The following AGL variants were observed in gnomAD, a reference collection of about 807,000 sequenced individuals.
The protein encoded by AGL is amylo-alpha-1,6-glucosidase and 4-alpha-glucanotransferase, also known as glycogen debranching enzyme.
AGL carries 128 observed loss-of-function variants against 199.3 expected under a neutral mutation model. That is an observed-to-expected ratio of 0.64 (90% CI 0.56 to 0.74). The LOEUF (loss-of-function observed/expected upper bound fraction) is 0.74, where lower values mean the gene tolerates loss of function less well. Among genes scored for constraint, AGL ranks in the 30% least tolerant of loss-of-function variants. The probability of loss-of-function intolerance (pLI) is 0.00; values close to 1 mark genes in which losing one functional copy is unlikely to be tolerated. For synonymous variants in AGL, 584 were observed against 594.7 expected, an observed-to-expected ratio of 0.98 and a Z score of 0.26; for missense variants, 1,809 against 1,820.8, an observed-to-expected ratio of 0.99 and a Z score of 0.12.
chr1:99,880,045 A>C lies in AGL; in HGVS notation c.1734A>C (p.Arg578Ser). The C allele has an allele frequency of 6.2e-7, 1 of 1,613,358 alleles. No individual in the cohort carries two copies. Among genetic ancestry groups the C allele is most frequent in the Non-Finnish European group, 8.5e-7 (1 of 1,179,502 alleles). The change falls in exon 13 of 34, where the codon AGA becomes AGC. Residue 578 changes from arginine (R) to serine (S), a missense_variant and splice_region_variant. Physicochemically the swap from Arg to Ser is moderately radical, Grantham distance 110. Transcript: ENST00000361915. ...VTRLGISSLI[R>S]EAMSAYNSHE... ...GACTGGGCATTAGTTCCTTAATAAG[A>C]GGTAGGCTTGTTGGAGTGTATTTCC...
At chr1:99,859,081 A>T (rs1240231371) in intron 2 of AGL, among the ~76,000 whole-genome samples, 3 of 151,930 alleles carry the variant, frequency 2.0e-5, no homozygotes, top group Non-Finnish European at 4.4e-5. Flanking sequence ...ATTTGTATAA[A>T]CTTAACAGGG....
At chr1:99,877,948 G>A in intron 12 of AGL, 120 bp downstream of exon 12, 2 of 967,390 alleles carry the variant, frequency 2.1e-6, no homozygotes, top group Admixed American at 3.8e-5. Context: ...GCATTGATTT[G>A]GTGGTAGTAT....
rs750616094 is a variant in AGL, at chr1:99,864,363, TCTTTC to T, written c.461-18_461-14del. 2 of 1,590,398 alleles carry T rather than the reference TCTTTC, an allele frequency of 1.3e-6. No homozygotes were observed. The highest frequency in any genetic ancestry group is 1.1e-5 in the South Asian group (1 of 90,582). ...TTTTGTTTGTTTGTTTTTACAGTGG[TCTTTC>T]CTTTATTTGCTTTGCAGGCTACAAC... On this transcript the variant is annotated intron_variant, in intron 4 of 33. Coordinates refer to ENST00000361915, the MANE Select transcript of AGL (RefSeq NM_000642.3).
intron 5 of AGL, among the ~76,000 whole-genome samples, chr1:99,865,895 T>G (rs918406911): frequency 2.6e-5 from 4 of 152,240 alleles, no homozygotes; most frequent in African/African-American, 9.6e-5. Flanking sequence ...TGTTTCTGCA[T>G]GTACCTAGAA....
At chr1:99,909,293 C>T (rs925208018) in intron 27 of AGL, among the ~76,000 whole-genome samples, 2 of 152,154 alleles carry the variant, frequency 1.3e-5, no homozygotes, top group Non-Finnish European at 2.9e-5. Flanking sequence ...CCACCTACTA[C>T]TGCCAGGTTG....
chr1:99,849,299 A>G (rs777215461), upstream of AGL, among the ~76,000 whole-genome samples: 1 of 152,068 alleles, frequency 6.6e-6, no homozygotes, highest in African/African-American at 2.4e-5. Flanking sequence ...TCATTCCACA[A>G]TAAAGAATGC....
At chr1:99,875,112 A>T in intron 8 of AGL, 42 bp from the exon 9 acceptor site, 1 of 1,532,876 alleles carries the variant, frequency 6.5e-7, no homozygotes, top group Non-Finnish European at 9.0e-7. Flanking sequence ...AGAATCTGTA[A>T]AGCCATTAAA....
intron 25 of AGL, among the ~76,000 whole-genome samples, chr1:99,898,892 G>A (rs1366150506): frequency 2.0e-5 from 3 of 152,126 alleles, no homozygotes; most frequent in African/African-American, 7.2e-5. Flanking sequence ...CTCTATAGAG[G>A]TAATCATGAA....
intron 5 of AGL, among the ~76,000 whole-genome samples, chr1:99,867,826 G>T (rs1650653913): frequency 6.6e-6 from 1 of 152,088 alleles, no homozygotes; most frequent in Non-Finnish European, 1.5e-5. Flanking sequence ...ACCCGGCCGT[G>T]TTGCAGAAGT....
At position 99,892,514 on chromosome 1, in the gene AGL, C is replaced by G. The variant is rs774124715; in HGVS notation, c.3166C>G (p.Leu1056Val). The G allele has an allele frequency of 6.2e-6, 10 of 1,613,568 alleles. No individual in the cohort carries two copies. The East Asian group carries it at 1.6e-4, about 25-fold the overall frequency. ...GTGTGGAGTAGGAAAATTCCCTTCC[C>G]TGCCAATTCTTTCACCTGCCCTAAT... Reference protein sequence around the residue: ...QLCGVGKFPSLPILSPALMDV... With the variant: ...QLCGVGKFPSVPILSPALMDV... The change falls in exon 24 of 34, where the codon CTG becomes GTG. Residue 1056 changes from leucine to valine, a missense_variant. Coordinates refer to ENST00000361915, the MANE Select transcript of AGL (RefSeq NM_000642.3).
At chr1:99,918,988 G>T (rs12045983) in intron 33 of AGL, among the ~76,000 whole-genome samples, 21,515 of 152,016 alleles carry the variant, frequency 0.14, 1,589 homozygotes, top group Middle Eastern at 0.17. Flanking sequence ...TTGTTCTTTG[G>T]TAGTTTCCTC....
In AGL at chr1:99,921,696, C is replaced by T; in HGVS notation, c.*45C>T. ...ATGCAATTACTTGTATTATAGGATG[C>T]AAGGTCATCATATGTAAATGCCTTA... On this transcript the variant is annotated 3_prime_UTR_variant, in exon 34 of 34. Coordinates refer to ENST00000361915, the MANE Select transcript of AGL (RefSeq NM_000642.3). 4 of 1,356,802 alleles carry T rather than the reference C, an allele frequency of 2.9e-6. No individual in the cohort carries two copies. The highest frequency in any genetic ancestry group is 4.2e-6 in the Non-Finnish European group (4 of 950,254). 84.0% of individuals were successfully genotyped at this position (1,356,802 alleles called of 1,614,324 possible).
Position 99,881,153 on chromosome 1 carries a change from C to T in AGL, c.1977C>T (p.Gly659=). ...GTTGTGCTAGTGGAAGTACAAGAGG[C>T]TATGATGAATTAGTGCCTCATCAGG... The part of the protein sequence containing the change: ...MACCASGSTR[G]YDELVPHQIS... The change falls in exon 15 of 34, where the codon GGC becomes GGT. Residue 659 remains glycine, a synonymous_variant. Transcript: ENST00000361915. The T allele has an allele frequency of 6.2e-7, 1 of 1,613,790 alleles. No homozygotes were observed. The highest frequency in any genetic ancestry group is 8.5e-7 in the Non-Finnish European group (1 of 1,179,842).
At chr1:99,868,973 T>A (rs1244535391) in intron 5 of AGL, among the ~76,000 whole-genome samples, 4 of 151,996 alleles carry the variant, frequency 2.6e-5, no homozygotes, top group Non-Finnish European at 5.9e-5. Flanking sequence ...TTTAGGCACA[T>A]GCCACCATGC....
chr1:99,913,500 A>T (rs1318854133), intron 29 of AGL, 27 bp from the exon 30 acceptor site: 1 of 1,554,516 alleles, frequency 6.4e-7, no homozygotes, highest in Non-Finnish European at 8.9e-7. Flanking sequence ...AATGATTAAA[A>T]CTACCATGTC....
chr1:99,850,990 C>A lies in AGL; in HGVS notation c.-53C>A. The A allele has an allele frequency of 7.0e-7, 1 of 1,421,652 alleles. No individual in the cohort carries two copies. Among genetic ancestry groups the A allele is most frequent in the Non-Finnish European group, 9.9e-7 (1 of 1,005,354 alleles). The allele number at this position is 1,421,652 out of a possible 1,614,324, so 88.1% of individuals were successfully genotyped here. On this transcript the variant is annotated 5_prime_UTR_variant, in exon 2 of 34. It adds an upstream start codon to the 5' untranslated region. Transcript: ENST00000361915. The stretch of plus-strand genomic sequence containing the variant: ...TGTTTCATAGGGGTAACTCATTCGA[C>A]TGTGGAGTTCTTTTAATTCTTATGA...
intron 27 of AGL, among the ~76,000 whole-genome samples, chr1:99,906,626 C>G (rs529619727): frequency 2.0e-5 from 3 of 152,200 alleles, no homozygotes; most frequent in Non-Finnish European, 4.4e-5. Flanking sequence ...TGAGTGAAAT[C>G]ATGCAGTATT....
At chr1:99,873,295 A>G (rs1043169699) in intron 7 of AGL, among the ~76,000 whole-genome samples, 2 of 152,148 alleles carry the variant, frequency 1.3e-5, no homozygotes, top group Non-Finnish European at 2.9e-5. Flanking sequence ...TTCATAGTGT[A>G]TGGTAATATA....
intron 7 of AGL, among the ~76,000 whole-genome samples, chr1:99,871,656 A>G (rs918545123): frequency 8.5e-5 from 13 of 152,148 alleles, no homozygotes; most frequent in African/African-American, 2.9e-4. Context: ...TAGGATACTC[A>G]GTCAGCTTCA....
Sources: allele counts gnomAD v4.1 joint callset (sites outside exome capture counted in the v4.1 genomes callset), GRCh38; gene constraint gnomAD v4.1.1; transcripts MANE v1.5; gene names NCBI Gene and HGNC (gene_info 2026-07-23, HGNC 2026-07-21).